ADAD1: variants seen among roughly 807,000 people sequenced by gnomAD.
ADAD1 encodes the protein adenosine deaminase domain-containing protein 1.
A neutral mutation model predicts 66.8 loss-of-function variants in ADAD1; 46 were observed. The observed-to-expected ratio is 0.69, with a 90% CI of 0.54 to 0.88. The LOEUF (loss-of-function observed/expected upper bound fraction) is 0.88. ADAD1 is among the 40% of genes least tolerant of loss of function. ADAD1 has a pLI of 0.00. For missense variants in ADAD1, 617 were observed against 681.8 expected (o/e 0.91, Z 1.06); for synonymous variants, 248 against 229.4 (o/e 1.08, Z -0.73).
intron 12 of ADAD1, among the ~76,000 whole-genome samples, chr4:122,423,222 G>C (rs569795075): frequency 6.6e-6 from 1 of 152,164 alleles, no homozygotes. Context: ...AGTTTTGTTG[G>C]CTTAAATGCC....
chr4:122,396,698 A>G (rs1016216758), intron 7 of ADAD1, among the ~76,000 whole-genome samples: 4 of 152,210 alleles, frequency 2.6e-5, no homozygotes, highest in Non-Finnish European at 4.4e-5. Flanking sequence ...AAAGATTGAA[A>G]TATGGAATCT....
At chr4:122,398,481 G>T (rs1252647428) in intron 7 of ADAD1, among the ~76,000 whole-genome samples, 2 of 151,770 alleles carry the variant, frequency 1.3e-5, no homozygotes, top group African/African-American at 4.8e-5. Context: ...TTTTCCTCTG[G>T]GTAGATACCT....
Position 122,380,222 on chromosome 4 carries a change from C to A in ADAD1, c.153C>A (p.Ser51=). 6.2e-7 allele frequency: 1 copy of A among 1,609,686 alleles called. No homozygotes were observed. ...GTTACGGCCTGTCCAAGATGGCATC[C>A]AAGGTTACGCAAGTAACGGGTACGA... ...SESYGLSKMA[S]KVTQVTGNFP... The change falls in exon 3 of 13, where the codon TCC becomes TCA. Residue 51 remains serine, a synonymous_variant. Coordinates refer to ENST00000296513, the MANE Select transcript of ADAD1 (RefSeq NM_139243.4).
At chr4:122,383,008 A>G (rs1327706462) in intron 4 of ADAD1, among the ~76,000 whole-genome samples, 1 of 152,170 alleles carries the variant, frequency 6.6e-6, no homozygotes, top group East Asian at 1.9e-4. Context: ...GTAACCAAAG[A>G]GTGGAGAGTC....
rs1009998934 is a variant in ADAD1 at position 122,380,257 on chromosome 4, T to A, written c.172+16T>A. On this transcript the variant is annotated intron_variant, in intron 3 of 12. Transcript: ENST00000296513. ...CAAGTAACGGGTACGACTTTTTTCA[T>A]TTGTAACAATGAGTCAGTTCTTTAA... 3.8e-6 allele frequency: 6 copies of A among 1,596,628 alleles called. No individual in the cohort carries two copies. In the African/African-American group the frequency reaches 5.4e-5, roughly 14 times the overall value.
intron 5 of ADAD1, among the ~76,000 whole-genome samples, chr4:122,388,557 G>C (rs184223466): frequency 6.6e-6 from 1 of 152,230 alleles, no homozygotes; most frequent in Admixed American, 6.5e-5. Context: ...CTTGTTATTG[G>C]TCTATTCAGG....
At chr4:122,427,944 A>G (rs1032400746) in intron 12 of ADAD1, among the ~76,000 whole-genome samples, 11 of 152,352 alleles carry the variant, frequency 7.2e-5, no homozygotes, top group African/African-American at 2.6e-4. Context: ...TTGATGTAAT[A>G]ATAGAAATAT....
chr4:122,400,604 A>G (rs1320505858), intron 7 of ADAD1, among the ~76,000 whole-genome samples: 1 of 152,042 alleles, frequency 6.6e-6, no homozygotes, highest in Non-Finnish European at 1.5e-5. Context: ...TGAATGTCTG[A>G]TAGAATTCAG....
chr4:122,407,728 G>A (rs1796280916), intron 7 of ADAD1, among the ~76,000 whole-genome samples, 180 bp from the exon 8 acceptor site: 1 of 152,070 alleles, frequency 6.6e-6, no homozygotes, highest in Non-Finnish European at 1.5e-5. Flanking sequence ...TAAAACATCT[G>A]CCTTTTTAAT....
chr4:122,422,862 G>A (rs1797063832), intron 12 of ADAD1, among the ~76,000 whole-genome samples: 1 of 150,744 alleles, frequency 6.6e-6, no homozygotes, highest in Non-Finnish European at 1.5e-5. Flanking sequence ...TGAGGTGGGA[G>A]GATCACTTGA....
intron 5 of ADAD1, among the ~76,000 whole-genome samples, chr4:122,388,144 G>A (rs895607108): frequency 3.9e-5 from 6 of 152,108 alleles, no homozygotes; most frequent in Non-Finnish European, 5.9e-5. Flanking sequence ...TTTGTCTTTG[G>A]TTCTGTGTAT....
At chr4:122,417,516 G>A (rs1037990193) in intron 11 of ADAD1, among the ~76,000 whole-genome samples, 4 of 152,040 alleles carry the variant, frequency 2.6e-5, no homozygotes, top group Admixed American at 2.6e-4. Flanking sequence ...CATTCACAAA[G>A]CGGAAATTAT....
chr4:122,382,108 C>T (rs1056894040), intron 4 of ADAD1, among the ~76,000 whole-genome samples: 2 of 152,236 alleles, frequency 1.3e-5, no homozygotes, highest in African/African-American at 2.4e-5. Flanking sequence ...ACTTAATTTC[C>T]GTGTAACTAG....
chr4:122,402,034 G>A (rs949377718), intron 7 of ADAD1, among the ~76,000 whole-genome samples: 3 of 149,938 alleles, frequency 2.0e-5, no homozygotes, highest in Non-Finnish European at 3.0e-5. Context: ...CATCATAGTA[G>A]TTGTTGCCTG....
intron 8 of ADAD1, 140 bp from the exon 9 acceptor site, chr4:122,411,082 A>T: frequency 1.6e-6 from 1 of 630,138 alleles, no homozygotes; most frequent in East Asian, 3.3e-5. Flanking sequence ...AAATAAAGCT[A>T]AGATTGATTT....
At chr4:122,426,264 T>C (rs1797231714) in intron 12 of ADAD1, among the ~76,000 whole-genome samples, 1 of 152,140 alleles carries the variant, frequency 6.6e-6, no homozygotes, top group Non-Finnish European at 1.5e-5. Context: ...GACATGTTCC[T>C]AGAAAGACAC....
chr4:122,384,825 C>T (rs906950258), intron 5 of ADAD1, among the ~76,000 whole-genome samples: 6 of 152,130 alleles, frequency 3.9e-5, no homozygotes, highest in African/African-American at 1.4e-4. Context: ...TGGCATTTAA[C>T]CATGTCTGCT....
At chr4:122,427,320 AATG>A in intron 12 of ADAD1, among the ~76,000 whole-genome samples, 1 of 152,184 alleles carries the variant, frequency 6.6e-6, no homozygotes, top group East Asian at 1.9e-4. Context: ...GTACACTGGA[AATG>A]ATGAAACATA....
intron 12 of ADAD1, among the ~76,000 whole-genome samples, chr4:122,425,024 TGTGGG>T (rs1221458269): frequency 2.0e-5 from 3 of 152,104 alleles, no homozygotes; most frequent in Non-Finnish European, 4.4e-5. Flanking sequence ...GATATGTGTA[TGTGGG>T]TGTAACAACA....
Sources: gnomAD v4.1 joint callset for allele counts (sites outside exome capture counted in the v4.1 genomes callset) on GRCh38, gnomAD v4.1.1 for gene constraint, MANE v1.5 for transcripts, NCBI Gene and HGNC (gene_info 2026-07-23, HGNC 2026-07-21) for gene names.